ATXN8OS: variants seen among roughly 807,000 people sequenced by gnomAD.
ATXN8OS encodes ATXN8 opposite strand lncRNA, also known as ATXN8 opposite strand (non-protein coding).
At chr13:70,167,280 C>G (rs9317888) in intron 4 of ATXN8OS, among the ~76,000 whole-genome samples, 53,675 of 151,886 alleles carry the variant, frequency 0.35, 10,734 homozygotes, top group African/African-American at 0.52. Flanking sequence ...AACAATGATA[C>G]ACTGGATTAA....
intron 4 of ATXN8OS, among the ~76,000 whole-genome samples, chr13:70,154,099 C>A (rs1309625672): frequency 6.6e-6 from 1 of 152,104 alleles, no homozygotes; most frequent in Non-Finnish European, 1.5e-5. Flanking sequence ...TACATTTTAA[C>A]CATATTGAAC....
chr13:70,164,541 T>C (rs1889056807), intron 4 of ATXN8OS, among the ~76,000 whole-genome samples: 1 of 152,030 alleles, frequency 6.6e-6, no homozygotes, highest in African/African-American at 2.4e-5. Flanking sequence ...AGAAGGAGAA[T>C]ATAGAGGAAA....
intron 4 of ATXN8OS, among the ~76,000 whole-genome samples, chr13:70,166,980 C>CAGTTAGAAT (rs1360141320): frequency 1.3e-5 from 2 of 151,712 alleles, no homozygotes; most frequent in African/African-American, 4.8e-5. Context: ...CATCTCACAC[C>CAGTTAGAAT]AGTTAGAATG....
chr13:70,140,761 C>A (rs548122662), intron 3 of ATXN8OS, among the ~76,000 whole-genome samples: 47 of 151,998 alleles, frequency 3.1e-4, no homozygotes, highest in African/African-American at 1.1e-3. Context: ...TGATTTAATG[C>A]CCCCTAACCC....
chr13:70,131,494 AT>A (rs995471009), intron 3 of ATXN8OS: 9 of 398,296 alleles, frequency 2.3e-5, no homozygotes, highest in South Asian at 1.3e-4. Flanking sequence ...CATTTTACAT[AT>A]TTTTTTACAT....
chr13:70,143,412 T>C (rs968431572), intron 3 of ATXN8OS, among the ~76,000 whole-genome samples: 3 of 152,148 alleles, frequency 2.0e-5, no homozygotes, highest in African/African-American at 7.2e-5. Flanking sequence ...GGTACTGGGT[T>C]TATTTAAATT....
At chr13:70,121,595 G>C (rs1194610259) in intron 2 of ATXN8OS, among the ~76,000 whole-genome samples, 2 of 152,068 alleles carry the variant, frequency 1.3e-5, no homozygotes, top group Non-Finnish European at 2.9e-5. Context: ...GAAATAAGAA[G>C]CTGGAGGGTA....
chr13:70,137,559 G>A (rs747137382), intron 3 of ATXN8OS, among the ~76,000 whole-genome samples: 1 of 152,098 alleles, frequency 6.6e-6, no homozygotes, highest in Non-Finnish European at 1.5e-5. Context: ...GATTTTGTTT[G>A]TAGTACACTA....
At chr13:70,144,892 T>G (rs1162150078) in intron 3 of ATXN8OS, among the ~76,000 whole-genome samples, 1 of 152,160 alleles carries the variant, frequency 6.6e-6, no homozygotes, top group Non-Finnish European at 1.5e-5. Context: ...GCCTTGTTTT[T>G]GGCTAGGTAG....
chr13:70,112,204 G>A (rs1374851162), intron 1 of ATXN8OS, among the ~76,000 whole-genome samples: 4 of 151,978 alleles, frequency 2.6e-5, no homozygotes, highest in East Asian at 1.9e-4. Flanking sequence ...AAAGATGGAC[G>A]CCCACCCTTA....
chr13:70,140,361 A>C (rs949204312), intron 3 of ATXN8OS, among the ~76,000 whole-genome samples: 1 of 151,956 alleles, frequency 6.6e-6, no homozygotes, highest in South Asian at 2.1e-4. Context: ...AACAATGTCC[A>C]CTCTACTTCT....
At chr13:70,114,470 C>T (rs1252777895) in intron 1 of ATXN8OS, among the ~76,000 whole-genome samples, 2 of 151,950 alleles carry the variant, frequency 1.3e-5, no homozygotes, top group African/African-American at 4.8e-5. Context: ...AAATCATAGC[C>T]TACTTAAGAT....
intron 1 of ATXN8OS, among the ~76,000 whole-genome samples, chr13:70,109,499 A>G (rs775820699): frequency 1.5e-4 from 23 of 152,244 alleles, no homozygotes; most frequent in Middle Eastern, 3.2e-3. Context: ...AAACGTAACC[A>G]GAAACCAAAG....
intron 3 of ATXN8OS, among the ~76,000 whole-genome samples, chr13:70,138,444 A>G (rs1888650479): frequency 6.6e-6 from 1 of 152,146 alleles, no homozygotes; most frequent in Admixed American, 6.6e-5. Flanking sequence ...AATGCAAAAA[A>G]TAGGTTCTAT....
intron 1 of ATXN8OS, among the ~76,000 whole-genome samples, chr13:70,109,182 T>C (rs1225458526): frequency 1.3e-5 from 2 of 152,240 alleles, no homozygotes; most frequent in South Asian, 2.1e-4. Flanking sequence ...ATCTTGCAAA[T>C]AGGCGTTTGG....
At chr13:70,138,100 A>C (rs1326451770) in intron 3 of ATXN8OS, among the ~76,000 whole-genome samples, 1 of 152,192 alleles carries the variant, frequency 6.6e-6, no homozygotes, top group African/African-American at 2.4e-5. Context: ...TCCCTCCTCC[A>C]ACATTGGGGC....
chr13:70,162,330 A>G lies in ATXN8OS; in HGVS notation n.574-7423A>G, dbSNP rs1422134030. ...CCAGTAACAGTAGGGCTCTGTCATC[A>G]CTCCTAGGACTGAAGAACCTTTAGA... On this transcript the variant is annotated intron_variant and non_coding_transcript_variant, in intron 4 of 4. Coordinates refer to ENST00000678624, the Ensembl canonical transcript of ATXN8OS. 2.6e-5 allele frequency among the ~76,000 whole-genome samples: 4 copies of G among 152,036 alleles called. No homozygotes were observed. The South Asian group carries it at 6.2e-4, about 24-fold the overall frequency.
intron 3 of ATXN8OS, among the ~76,000 whole-genome samples, chr13:70,137,629 G>C (rs1888636093): frequency 6.6e-6 from 1 of 151,810 alleles, no homozygotes; most frequent in African/African-American, 2.4e-5. Flanking sequence ...ATTCCAAAAT[G>C]AAGAACTACT....
intron 4 of ATXN8OS, among the ~76,000 whole-genome samples, chr13:70,151,439 A>T (rs1888865462): frequency 6.6e-6 from 1 of 152,090 alleles, no homozygotes; most frequent in Non-Finnish European, 1.5e-5. Context: ...CCCCAGGTTC[A>T]TCTATTTTTG....
Sources: allele counts gnomAD v4.1 joint callset (sites outside exome capture counted in the v4.1 genomes callset), GRCh38; gene constraint gnomAD v4.1.1; transcripts MANE v1.5; gene names NCBI Gene and HGNC (gene_info 2026-07-23, HGNC 2026-07-21).